Variants in TTC29 observed in about 807,000 individuals in gnomAD.
TTC29 encodes the protein tetratricopeptide repeat domain 29.
In TTC29, 49 loss-of-function variants were observed where a neutral mutation model predicts 58.1. The ratio of observed to expected loss-of-function variants is 0.84; its 90% CI spans 0.67 to 1.07. The LOEUF is 1.07. Among genes scored for constraint, TTC29 ranks in the 50% least tolerant of loss-of-function variants. The probability of loss-of-function intolerance (pLI) is 0.00; values close to 1 mark genes in which losing one functional copy is unlikely to be tolerated. For synonymous variants in TTC29, 209 were observed against 196.8 expected, an observed-to-expected ratio of 1.06 and a Z score of -0.52; for missense variants, 582 against 555.6, an observed-to-expected ratio of 1.05 and a Z score of -0.48.
chr4:146,844,794 C>T (rs758891926), intron 8 of TTC29, among the ~76,000 whole-genome samples: 7 of 152,174 alleles, frequency 4.6e-5, no homozygotes, highest in Non-Finnish European at 1.0e-4. Context: ...ATCTCTGAGG[C>T]AGCCTGATAC....
At chr4:146,884,419 C>T (rs1257912417) in intron 6 of TTC29, among the ~76,000 whole-genome samples, 1 of 152,044 alleles carries the variant, frequency 6.6e-6, no homozygotes, top group South Asian at 2.1e-4. Flanking sequence ...GAGGTGCTTT[C>T]AAGAGACCTG....
At chr4:146,887,937 A>G (rs1732097075) in intron 6 of TTC29, among the ~76,000 whole-genome samples, 1 of 152,162 alleles carries the variant, frequency 6.6e-6, no homozygotes, top group South Asian at 2.1e-4. Flanking sequence ...TCAAAGTGGA[A>G]CAATAGGGAC....
At chr4:146,872,070 G>A (rs1020551965) in intron 7 of TTC29, among the ~76,000 whole-genome samples, 1 of 152,016 alleles carries the variant, frequency 6.6e-6, no homozygotes. Context: ...CAAGGCAATA[G>A]AATTGAGAAT....
At chr4:146,873,410 TCTC>T (rs1158331891) in intron 7 of TTC29, among the ~76,000 whole-genome samples, 1 of 152,198 alleles carries the variant, frequency 6.6e-6, no homozygotes, top group Non-Finnish European at 1.5e-5. Context: ...AGTCTTCTCT[TCTC>T]CTGATCTGAT....
At chr4:146,893,099 T>C (rs988809151) in intron 6 of TTC29, among the ~76,000 whole-genome samples, 4 of 152,132 alleles carry the variant, frequency 2.6e-5, no homozygotes, top group Non-Finnish European at 4.4e-5. Flanking sequence ...AAAATGGCCA[T>C]ACTGCCCCAG....
At chr4:146,737,232 G>A (rs576199571) in intron 11 of TTC29, among the ~76,000 whole-genome samples, 3 of 152,264 alleles carry the variant, frequency 2.0e-5, no homozygotes, top group African/African-American at 4.8e-5. Flanking sequence ...AAATGCCTAT[G>A]TGGTGCATGG....
At chr4:146,829,882 C>A (rs1362105130) in intron 9 of TTC29, among the ~76,000 whole-genome samples, 6 of 152,006 alleles carry the variant, frequency 3.9e-5, no homozygotes, top group Admixed American at 3.9e-4. Flanking sequence ...TCTCTGTATT[C>A]TTTTAAATAA....
At chr4:146,794,612 C>A (rs1330727855) in intron 11 of TTC29, among the ~76,000 whole-genome samples, 1 of 151,982 alleles carries the variant, frequency 6.6e-6, no homozygotes, top group Non-Finnish European at 1.5e-5. Flanking sequence ...TTTTTCCCCA[C>A]TGATACGTTA....
chr4:146,917,029 A>G (rs1734267507), intron 4 of TTC29, among the ~76,000 whole-genome samples: 1 of 151,240 alleles, frequency 6.6e-6, no homozygotes, highest in Non-Finnish European at 1.5e-5. Context: ...ATATATATAT[A>G]AAGCACTTTT....
intron 5 of TTC29, among the ~76,000 whole-genome samples, chr4:146,907,580 C>G (rs1733605807): frequency 1.3e-5 from 2 of 152,194 alleles, no homozygotes; most frequent in Non-Finnish European, 2.9e-5. Context: ...CTCACTGCAA[C>G]TTTTGTCTCT....
At chr4:146,758,224 G>A (rs1404596429) in intron 11 of TTC29, among the ~76,000 whole-genome samples, 1 of 152,116 alleles carries the variant, frequency 6.6e-6, no homozygotes, top group East Asian at 1.9e-4. Context: ...TAAAGCAACA[G>A]CAGTTAAAAG....
intron 8 of TTC29, among the ~76,000 whole-genome samples, chr4:146,844,084 C>T (rs1729015547): frequency 6.6e-6 from 1 of 152,280 alleles, no homozygotes; most frequent in East Asian, 1.9e-4. Context: ...CAAGATTAGC[C>T]TTAAATGTAA....
intron 11 of TTC29, among the ~76,000 whole-genome samples, chr4:146,750,252 C>T (rs562137164): frequency 6.6e-6 from 1 of 152,252 alleles, no homozygotes; most frequent in Admixed American, 6.5e-5. Context: ...TGTGATCCGC[C>T]CGCCTCGGCC....
intron 6 of TTC29, among the ~76,000 whole-genome samples, chr4:146,892,036 TC>T (rs1463471477): frequency 6.6e-6 from 1 of 152,088 alleles, no homozygotes; most frequent in African/African-American, 2.4e-5. Context: ...TAGATCTGTG[TC>T]CCCTCCCAAA....
chr4:146,828,081 G>T (rs954870445), intron 9 of TTC29, among the ~76,000 whole-genome samples: 2 of 150,394 alleles, frequency 1.3e-5, no homozygotes, highest in African/African-American at 4.9e-5. Flanking sequence ...TACTGCAGCT[G>T]TGAATACTTT....
chr4:146,707,071 A>C lies in TTC29; in HGVS notation c.*87T>G. 1 of 992,986 alleles carries C rather than the reference A, an allele frequency of 1.0e-6. No individual in the cohort carries two copies. The highest frequency in any genetic ancestry group is 1.7e-5 in the African/African-American group (1 of 59,640). 61.5% of individuals were successfully genotyped at this position (992,986 alleles called of 1,614,324 possible). A position where few individuals can be genotyped will look rare whatever the true frequency, so the allele number is the denominator to read the frequency against. On this transcript the variant is annotated 3_prime_UTR_variant, in exon 13 of 13. Transcript: ENST00000325106. Reference sequence around the variant, plus strand: ...GTCCGTTTTATTATAACTCTATATTATCTGTAACATGCTCCTATTACAAGT... The same window carrying C: ...GTCCGTTTTATTATAACTCTATATTCTCTGTAACATGCTCCTATTACAAGT...
At chr4:146,937,886 G>A (rs905257868) in intron 3 of TTC29, among the ~76,000 whole-genome samples, 5 of 152,072 alleles carry the variant, frequency 3.3e-5, no homozygotes, top group African/African-American at 1.2e-4. Context: ...ATTAAACCCA[G>A]TGTGTAAACA....
At chr4:146,729,656 A>T (rs1173767758) in intron 11 of TTC29, among the ~76,000 whole-genome samples, 1 of 152,076 alleles carries the variant, frequency 6.6e-6, no homozygotes, top group Admixed American at 6.6e-5. Flanking sequence ...AATTTATTTT[A>T]AAAAAAGATG....
intron 11 of TTC29, among the ~76,000 whole-genome samples, chr4:146,754,441 A>C (rs1423201429): frequency 6.6e-6 from 1 of 151,926 alleles, no homozygotes; most frequent in Non-Finnish European, 1.5e-5. Context: ...CATTCCTTTA[A>C]TACCTAAGCC....
Sources: gnomAD v4.1 joint callset for allele counts (sites outside exome capture counted in the v4.1 genomes callset) on GRCh38, gnomAD v4.1.1 for gene constraint, MANE v1.5 for transcripts, NCBI Gene and HGNC (gene_info 2026-07-23, HGNC 2026-07-21) for gene names.